Variants in TSHZ2 observed in about 807,000 individuals in gnomAD.
TSHZ2 encodes the protein teashirt zinc finger homeobox 2.
A neutral mutation model predicts 74.4 loss-of-function variants in TSHZ2; 21 were observed. The ratio of observed to expected loss-of-function variants is 0.28; its 90% CI spans 0.20 to 0.41. The LOEUF (loss-of-function observed/expected upper bound fraction) is 0.41, where lower values mean the gene tolerates loss of function less well. Ranked by LOEUF, TSHZ2 falls within the 10% of genes least tolerant of loss-of-function variation. TSHZ2 has a pLI of 1.00. For missense variants in TSHZ2, 1,244 were observed against 1,293.5 expected, an observed-to-expected ratio of 0.96 and a Z score of 0.59; for synonymous variants, 540 against 515.3, an observed-to-expected ratio of 1.05 and a Z score of -0.65.
chr20:53,390,067 C>T lies in TSHZ2; in HGVS notation c.*9-97077C>T, dbSNP rs566842139. 3.3e-5 allele frequency among the ~76,000 whole-genome samples: 5 copies of T among 152,298 alleles called. No homozygotes were observed. The East Asian group carries it at 7.7e-4, about 24-fold the overall frequency. On this transcript the variant is annotated intron_variant, in intron 2 of 2. Coordinates refer to ENST00000371497, the MANE Select transcript of TSHZ2 (RefSeq NM_173485.6). ...TGAGCCAGGGAATAGGGTGGGGAGG[C>T]AGCAGAGAGAGCGACTTTAGGGAGA...
intron 2 of TSHZ2, among the ~76,000 whole-genome samples, chr20:53,479,604 C>A (rs1986090773): frequency 6.6e-6 from 1 of 152,188 alleles, no homozygotes; most frequent in South Asian, 2.1e-4. Flanking sequence ...AGCTTTATTT[C>A]TGGAAATTAC....
rs569741715 is a variant in TSHZ2 at position 53,330,173 on chromosome 20, A to G, written c.*8+73602A>G. On this transcript the variant is annotated intron_variant, in intron 2 of 2. Transcript: ENST00000371497. ...TTGTCTCTACATATTTATCTTTTAC[A>G]TAGTCTTTCAACTTTTTTTTTAACC... Among the ~76,000 whole-genome samples the G allele has an allele frequency of 5.3e-5, 8 of 150,184 alleles. No individual in the cohort carries two copies. In the South Asian group the frequency reaches 1.5e-3, roughly 29 times the overall value.
intron 1 of TSHZ2, among the ~76,000 whole-genome samples, chr20:53,057,940 G>A (rs1291850023): frequency 6.6e-6 from 1 of 152,184 alleles, no homozygotes; most frequent in African/African-American, 2.4e-5. Flanking sequence ...TTAGATCGGT[G>A]GTCCCCAACC....
intron 2 of TSHZ2, among the ~76,000 whole-genome samples, chr20:53,379,723 C>T (rs1981789968): frequency 6.6e-6 from 1 of 152,024 alleles, no homozygotes; most frequent in African/African-American, 2.4e-5. Flanking sequence ...TAAGGGACAC[C>T]TTTGACACCA....
chr20:53,274,229 C>T (rs112262504), intron 2 of TSHZ2, among the ~76,000 whole-genome samples: 5,845 of 152,272 alleles, frequency 0.038, 157 homozygotes, highest in African/African-American at 0.076. Context: ...GAGATCGCAC[C>T]GCTGCGCTCC....
chr20:53,192,974 C>A (rs1351966623), intron 1 of TSHZ2, among the ~76,000 whole-genome samples: 2 of 152,076 alleles, frequency 1.3e-5, no homozygotes, highest in East Asian at 3.9e-4. Flanking sequence ...ATGATCTTTG[C>A]CCATGGGCAG....
At chr20:53,076,128 A>C (rs971403883) in intron 1 of TSHZ2, among the ~76,000 whole-genome samples, 1 of 152,224 alleles carries the variant, frequency 6.6e-6, no homozygotes, top group East Asian at 1.9e-4. Flanking sequence ...AACACAAAGA[A>C]TTTTTTGAAG....
intron 2 of TSHZ2, among the ~76,000 whole-genome samples, chr20:53,327,247 G>A (rs188498916): frequency 5.0e-4 from 76 of 152,264 alleles, no homozygotes; most frequent in Non-Finnish European, 7.9e-4. Flanking sequence ...AGATCCCCTC[G>A]TCATCTGGAC....
intron 1 of TSHZ2, among the ~76,000 whole-genome samples, chr20:53,079,832 T>TC (rs1411108349): frequency 5.9e-5 from 9 of 151,774 alleles, no homozygotes; most frequent in African/African-American, 1.9e-4. Context: ...TGTTTTTTTT[T>TC]TCTTTTTTTT....
At chr20:53,275,008 T>C (rs1009156069) in intron 2 of TSHZ2, among the ~76,000 whole-genome samples, 9 of 152,168 alleles carry the variant, frequency 5.9e-5, no homozygotes, top group African/African-American at 2.2e-4. Flanking sequence ...AAGCATTGAT[T>C]TTTTTCTGCT....
intron 1 of TSHZ2, among the ~76,000 whole-genome samples, chr20:53,068,400 A>G (rs1264900038): frequency 3.3e-5 from 5 of 151,966 alleles, no homozygotes; most frequent in Non-Finnish European, 7.4e-5. Flanking sequence ...CTGTTTTTTG[A>G]ATTGCTGTGC....
chr20:53,460,222 A>T, intron 2 of TSHZ2, among the ~76,000 whole-genome samples: 1 of 151,784 alleles, frequency 6.6e-6, no homozygotes. Flanking sequence ...GTCTTTTCGC[A>T]TAGTCCCATA....
At chr20:53,038,206 A>G (rs1983894497) in intron 1 of TSHZ2, among the ~76,000 whole-genome samples, 1 of 61,476 alleles carries the variant, frequency 1.6e-5, no homozygotes, top group Non-Finnish European at 2.6e-5. Context: ...AAAAAAAAAA[A>G]AAAAAAAAAA....
chr20:53,094,670 T>A lies in TSHZ2; in HGVS notation c.40+121337T>A, dbSNP rs1394610192. Among the ~76,000 whole-genome samples, 9 of 152,330 alleles carry A rather than the reference T, an allele frequency of 5.9e-5. No homozygotes were observed. The East Asian group carries it at 1.7e-3, about 29-fold the overall frequency. On this transcript the variant is annotated intron_variant, in intron 1 of 2. Transcript: ENST00000371497. ...GCGTGCTGAGAGTCTGATGTGAACA[T>A]CTGCATCATGGATGTCATTATAACA...
chr20:53,465,569 CCA>C (rs1222233116), intron 2 of TSHZ2, among the ~76,000 whole-genome samples: 2 of 152,064 alleles, frequency 1.3e-5, no homozygotes, highest in African/African-American at 4.8e-5. Flanking sequence ...CCGCACCCAG[CCA>C]GAAATCTTTA....
chr20:53,240,382 C>A (rs979477885), intron 1 of TSHZ2, among the ~76,000 whole-genome samples: 1 of 152,138 alleles, frequency 6.6e-6, no homozygotes, highest in South Asian at 2.1e-4. Flanking sequence ...ATGATGTACC[C>A]TAGAACACTA....
chr20:53,284,071 C>T (rs550255590), intron 2 of TSHZ2, among the ~76,000 whole-genome samples: 1 of 152,324 alleles, frequency 6.6e-6, no homozygotes, highest in Non-Finnish European at 1.5e-5. Context: ...TGACCAAATG[C>T]CCGGCAGGGG....
At chr20:52,997,162 G>A (rs1000385837) in intron 1 of TSHZ2, among the ~76,000 whole-genome samples, 4 of 152,136 alleles carry the variant, frequency 2.6e-5, no homozygotes, top group African/African-American at 9.7e-5. Context: ...AAGGCATAGT[G>A]CAGGCATCTC....
chr20:53,273,065 T>A (rs991269452), intron 2 of TSHZ2, among the ~76,000 whole-genome samples: 65 of 152,184 alleles, frequency 4.3e-4, no homozygotes, highest in African/African-American at 1.5e-3. Context: ...AGGGCTGATA[T>A]GTTTGATTCA....
Sources: allele counts gnomAD v4.1 joint callset (sites outside exome capture counted in the v4.1 genomes callset), GRCh38; gene constraint gnomAD v4.1.1; transcripts MANE v1.5; gene names NCBI Gene and HGNC (gene_info 2026-07-23, HGNC 2026-07-21).